The following ZFHX3 variants were observed in gnomAD, a reference collection of about 807,000 sequenced individuals.
The protein encoded by ZFHX3 is zinc finger homeobox 3, also known as zinc finger homeobox protein 3.
ZFHX3 carries 42 observed loss-of-function variants against 279.1 expected under a neutral mutation model. That is an observed-to-expected ratio of 0.15 (90% confidence interval 0.12 to 0.19). The LOEUF (loss-of-function observed/expected upper bound fraction) is 0.19. Ranked by LOEUF, ZFHX3 falls within the 10% of genes least tolerant of loss-of-function variation. The probability of loss-of-function intolerance (pLI) is 1.00; values close to 1 mark genes in which losing one functional copy is unlikely to be tolerated. For synonymous variants in ZFHX3, 2,293 were observed against 1,957.8 expected, an observed-to-expected ratio of 1.17 and a Z score of -4.52; for missense variants, 4,981 against 4,754.0, an observed-to-expected ratio of 1.05 and a Z score of -1.40.
At chr16:73,339,150 G>T (rs914372476) in intron 3 of ZFHX3, among the ~76,000 whole-genome samples, 1 of 152,134 alleles carries the variant, frequency 6.6e-6, no homozygotes, top group Non-Finnish European at 1.5e-5. Flanking sequence ...TACACTTCAG[G>T]CCATCCAACT....
chr16:73,801,100 T>C (rs2142326011), intron 1 of ZFHX3, among the ~76,000 whole-genome samples: 1 of 152,348 alleles, frequency 6.6e-6, no homozygotes, highest in East Asian at 1.9e-4. Context: ...TGGAACAAGC[T>C]GTACCAGGTG....
chr16:73,658,103 G>A (rs1371051877), intron 2 of ZFHX3, among the ~76,000 whole-genome samples: 1 of 152,148 alleles, frequency 6.6e-6, no homozygotes, highest in East Asian at 1.9e-4. Flanking sequence ...TCACTTGGAA[G>A]TACATATAGC....
At chr16:72,937,052 G>A (rs1960161510) in intron 3 of ZFHX3, among the ~76,000 whole-genome samples, 1 of 152,196 alleles carries the variant, frequency 6.6e-6, no homozygotes, top group South Asian at 2.1e-4. Flanking sequence ...TGCTGGAGGT[G>A]GCCCTAACCG....
intron 3 of ZFHX3, among the ~76,000 whole-genome samples, chr16:73,385,193 T>C (rs2016877604): frequency 6.6e-6 from 1 of 152,178 alleles, no homozygotes; most frequent in Non-Finnish European, 1.5e-5. Context: ...GATGTTCCCA[T>C]GGGTTTTTCA....
intron 1 of ZFHX3, among the ~76,000 whole-genome samples, chr16:73,004,904 C>T (rs1567628376): frequency 6.6e-6 from 1 of 152,156 alleles, no homozygotes; most frequent in Non-Finnish European, 1.5e-5. Context: ...TCCAACTCAC[C>T]TGGAATGGAT....
Position 73,276,608 on chromosome 16 carries a change from T to C in ZFHX3, c.-1193-19472A>G, listed in dbSNP as rs144245801. Among the ~76,000 whole-genome samples, 52 of 152,340 alleles carry C rather than the reference T, an allele frequency of 3.4e-4. 1 individual carries two copies. Among genetic ancestry groups the C allele is most frequent in the African/African-American group, 1.2e-3 (48 of 41,582 alleles). On this transcript the variant is annotated intron_variant, in intron 4 of 17. Coordinates refer to the ZFHX3 transcript ENST00000641206. ...TTTGGTTCTTTTAAAAATATTTCCTTTTTTTAGTGTATGTATTTAAAGTGT... is the reference window on the plus strand; with the variant it reads ...TTTGGTTCTTTTAAAAATATTTCCTCTTTTTAGTGTATGTATTTAAAGTGT...
At chr16:73,129,515 A>T (rs1253180630) in intron 7 of ZFHX3, among the ~76,000 whole-genome samples, 1 of 151,856 alleles carries the variant, frequency 6.6e-6, no homozygotes, top group Non-Finnish European at 1.5e-5. Flanking sequence ...CTTAATTAGG[A>T]GATCGTCTTT....
chr16:73,273,312 A>C (rs2014203077), intron 4 of ZFHX3, among the ~76,000 whole-genome samples: 2 of 152,226 alleles, frequency 1.3e-5, no homozygotes, highest in Non-Finnish European at 2.9e-5. Flanking sequence ...TAAAGAATGA[A>C]CCAAAAACCT....
intron 5 of ZFHX3, among the ~76,000 whole-genome samples, chr16:73,163,651 T>G (rs562139073): frequency 6.6e-6 from 1 of 152,318 alleles, no homozygotes; most frequent in South Asian, 2.1e-4. Context: ...GTAAGTGGAC[T>G]AACAGTTCAG....
intron 8 of ZFHX3, among the ~76,000 whole-genome samples, chr16:73,072,900 AT>A (rs368516198): frequency 0.045 from 6,379 of 142,808 alleles, 198 homozygotes; most frequent in African/African-American, 0.099. Context: ...TTCTTTTTCT[AT>A]TTTTTTTTTT....
intron 1 of ZFHX3, among the ~76,000 whole-genome samples, chr16:73,686,667 G>A (rs28404024): frequency 0.014 from 2,101 of 152,180 alleles, 57 homozygotes; most frequent in African/African-American, 0.047. Flanking sequence ...CCTCTGGTAA[G>A]GGTGGGCTCC....
At chr16:72,983,219 T>G (rs4788489) in intron 1 of ZFHX3, among the ~76,000 whole-genome samples, 75,156 of 152,116 alleles carry the variant, frequency 0.49, 19,009 homozygotes, top group African/African-American at 0.51. Flanking sequence ...ACCACCTTCT[T>G]AGTCCAACTG....
intron 1 of ZFHX3, among the ~76,000 whole-genome samples, chr16:73,771,291 G>A (rs1381290488): frequency 6.6e-6 from 1 of 152,122 alleles, no homozygotes; most frequent in East Asian, 1.9e-4. Flanking sequence ...GGTACTACAG[G>A]ATCATCTTCC....
chr16:73,800,705 A>C (rs1960121530), intron 1 of ZFHX3, among the ~76,000 whole-genome samples: 1 of 152,060 alleles, frequency 6.6e-6, no homozygotes, highest in Non-Finnish European at 1.5e-5. Context: ...GTCTGACAGC[A>C]CTGTGGTCGT....
In ZFHX3 at chr16:73,018,664, G is replaced by T. The variant is rs567273404; in HGVS notation, c.-50+29088C>A. 3.9e-5 allele frequency among the ~76,000 whole-genome samples: 6 copies of T among 152,242 alleles called. No individual in the cohort carries two copies. In the South Asian group the frequency reaches 1.2e-3, roughly 32 times the overall value. ...AAGAATTTTCTTTAATTGGCATTTT[G>T]TGGGGATTCACCCCAGGCTTGGCTG... On this transcript the variant is annotated intron_variant, in intron 1 of 9. Transcript: ENST00000268489.
chr16:73,637,344 G>A (rs2052536677), intron 2 of ZFHX3, among the ~76,000 whole-genome samples: 1 of 148,644 alleles, frequency 6.7e-6, no homozygotes. Context: ...TGATTCTCCT[G>A]CCTCAGCCTC....
At chr16:73,314,326 C>T (rs1343866350) in intron 4 of ZFHX3, among the ~76,000 whole-genome samples, 1 of 152,238 alleles carries the variant, frequency 6.6e-6, no homozygotes, top group Admixed American at 6.5e-5. Flanking sequence ...TCTATACTCA[C>T]TCCTTGTGAA....
intron 5 of ZFHX3, among the ~76,000 whole-genome samples, chr16:73,199,812 G>T (rs1054104523): frequency 6.6e-6 from 1 of 152,138 alleles, no homozygotes; most frequent in African/African-American, 2.4e-5. Flanking sequence ...ACTCCAAAAT[G>T]GATGTTGTCA....
At chr16:73,363,062 C>T (rs1299547061) in intron 3 of ZFHX3, among the ~76,000 whole-genome samples, 1 of 152,240 alleles carries the variant, frequency 6.6e-6, no homozygotes, top group Middle Eastern at 3.4e-3. Context: ...TTCTTTCAGC[C>T]GTAGAGGACA....
Sources: gnomAD v4.1 joint callset for allele counts (sites outside exome capture counted in the v4.1 genomes callset) on GRCh38, gnomAD v4.1.1 for gene constraint, MANE v1.5 for transcripts, NCBI Gene and HGNC (gene_info 2026-07-23, HGNC 2026-07-21) for gene names.